The following FBXL19 variants were observed in gnomAD, a reference collection of about 807,000 sequenced individuals.
The protein encoded by FBXL19 is F-box/LRR-repeat protein 19.
FBXL19 carries 16 observed loss-of-function variants against 71.2 expected under a neutral mutation model. The ratio of observed to expected loss-of-function variants is 0.22; its 90% CI spans 0.15 to 0.34. FBXL19 has a LOEUF of 0.34. Ranked by LOEUF, FBXL19 falls within the 10% of genes least tolerant of loss-of-function variation. FBXL19 has a pLI of 1.00. For missense variants in FBXL19, 658 were observed against 968.2 expected, an observed-to-expected ratio of 0.68 and a Z score of 4.25; for synonymous variants, 447 against 409.4, an observed-to-expected ratio of 1.09 and a Z score of -1.11.
chr16:30,927,487 C>A, intron 3 of FBXL19, 36 bp downstream of exon 3: 1 of 1,573,236 alleles, frequency 6.4e-7, no homozygotes, highest in Non-Finnish European at 8.6e-7. Context: ...TGGGGTGGGG[C>A]AGATTGTCAG....
At chr16:30,936,302 G>A (rs2055731617) in intron 7 of FBXL19, among the ~76,000 whole-genome samples, 1 of 152,100 alleles carries the variant, frequency 6.6e-6, no homozygotes, top group African/African-American at 2.4e-5. Flanking sequence ...CTCCTTTGCA[G>A]CTCCACTCTT....
intron 7 of FBXL19, among the ~76,000 whole-genome samples, chr16:30,933,330 G>A (rs2055696054): frequency 6.6e-6 from 1 of 151,910 alleles, no homozygotes; most frequent in African/African-American, 2.4e-5. Context: ...GTAGAGACGG[G>A]GTTTTGCCAT....
intron 6 of FBXL19, among the ~76,000 whole-genome samples, chr16:30,928,877 G>A (rs898203755): frequency 5.9e-5 from 9 of 152,250 alleles, no homozygotes; most frequent in African/African-American, 2.2e-4. Flanking sequence ...AGCCTTACAG[G>A]GGAGAGAACT....
intron 10 of FBXL19, 45 bp from the exon 11 acceptor site, chr16:30,947,007 C>A: frequency 6.3e-7 from 1 of 1,576,604 alleles, no homozygotes. Flanking sequence ...CAGTGCCAAC[C>A]CCTTGCTCAC....
At chr16:30,928,828 C>T (rs907013710) in intron 6 of FBXL19, among the ~76,000 whole-genome samples, 200 bp downstream of exon 6, 4 of 152,186 alleles carry the variant, frequency 2.6e-5, no homozygotes, top group Non-Finnish European at 4.4e-5. Context: ...TTCCCAAAAA[C>T]CCTTAGGGCT....
At chr16:30,931,229 A>G (rs1229846563) in intron 7 of FBXL19, among the ~76,000 whole-genome samples, 2 of 151,920 alleles carry the variant, frequency 1.3e-5, no homozygotes, top group Non-Finnish European at 2.9e-5. Context: ...CTCGCCCCCA[A>G]CAAAATTCCT....
intron 7 of FBXL19, among the ~76,000 whole-genome samples, chr16:30,938,737 C>T (rs191873070): frequency 0.011 from 1,613 of 150,456 alleles, 29 homozygotes; most frequent in African/African-American, 0.038. Context: ...CCTGGGTTCA[C>T]GCCATTCTCC....
At position 30,930,456 on chromosome 16, in the gene FBXL19, C is replaced by G. The variant is rs565607849; in HGVS notation, c.1173C>G (p.Pro391=). The change falls in exon 7 of 11, where the codon CCC becomes CCG. Residue 391 remains proline, a synonymous_variant. Coordinates refer to ENST00000338343, the MANE Select transcript of FBXL19 (RefSeq NM_001382779.1). This position sits in a 1 kb window ranked among gnomAD's most constrained non-coding sequence, Gnocchi z 8.5. ...GGCCCCCGCCTCGAAGCCCTGAGCCCGACACACTCCCCTTGGCTGCTGGAT... is the reference window on the plus strand; with the variant it reads ...GGCCCCCGCCTCGAAGCCCTGAGCCGGACACACTCCCCTTGGCTGCTGGAT... ...VVRPPPRSPE[P]DTLPLAAGSD... 7.2e-6 allele frequency: 11 copies of G among 1,535,076 alleles called. No homozygotes were observed. Among genetic ancestry groups the G allele is most frequent in the Non-Finnish European group, 9.6e-6 (11 of 1,146,048 alleles).
rs1234120697 is a variant in FBXL19 at position 30,930,343 on chromosome 16, C to G, written c.1060C>G (p.Arg354Gly). ...GAACCGTGGGGGGCGGCGGGCTGTG[C>G]GCCCTGGCAGTGGGGGGCCCCTACT... ...KENRGGRRAV[R>G]PGSGGPLLSW... is the part of the protein sequence containing the mutation. Residue 354 changes from arginine to glycine, a missense_variant, in exon 7 of 11, where the codon CGC becomes GGC. Coordinates refer to ENST00000338343, the MANE Select transcript of FBXL19 (RefSeq NM_001382779.1). The surrounding 1 kb of genome is among the most constrained non-coding windows in gnomAD (Gnocchi z 8.5). The G allele has an allele frequency of 1.9e-6, 3 of 1,587,580 alleles. No individual in the cohort carries two copies. The highest frequency in any genetic ancestry group is 2.6e-6 in the Non-Finnish European group (3 of 1,168,864).
chr16:30,945,439 C>CAAGGCTACAGTGAGCT (rs2055846815), intron 9 of FBXL19, among the ~76,000 whole-genome samples: 1 of 151,976 alleles, frequency 6.6e-6, no homozygotes, highest in Admixed American at 6.6e-5. Flanking sequence ...GTGGGCAGAT[C>CAAGGCTACAGTGAGCT]ACTTGAGGTC....
rs2055658218 is a variant in FBXL19 at position 30,930,371 on chromosome 16, G to C, written c.1088G>C (p.Ser363Thr). ...CCTGGCAGTGGGGGGCCCCTACTCA[G>C]CTGGCCCCTGGGCCCAGCCCCACCA... ...VRPGSGGPLL[S>T]WPLGPAPPPR... Residue 363 changes from serine (S) to threonine (T), a missense_variant, in exon 7 of 11, where the codon AGC becomes ACC. Physicochemically the swap from Ser to Thr is moderately conservative, Grantham distance 58. Coordinates refer to ENST00000338343, the MANE Select transcript of FBXL19 (RefSeq NM_001382779.1). The surrounding 1 kb of genome is among the most constrained non-coding windows in gnomAD (Gnocchi z 8.5). 1 of 1,555,068 alleles carries C rather than the reference G, an allele frequency of 6.4e-7. No individual in the cohort carries two copies. The highest frequency in any genetic ancestry group is 8.7e-7 in the Non-Finnish European group (1 of 1,155,664).
intron 6 of FBXL19, among the ~76,000 whole-genome samples, chr16:30,928,870 C>T (rs1034092779): frequency 1.3e-5 from 2 of 152,170 alleles, no homozygotes; most frequent in Non-Finnish European, 2.9e-5. Flanking sequence ...CTTTCCAAGC[C>T]TTACAGGGGA....
Position 30,942,003 on chromosome 16 carries a change from G to A in FBXL19, c.1302-113G>A. 1 of 1,225,618 alleles carries A rather than the reference G, an allele frequency of 8.2e-7. No individual in the cohort carries two copies. The highest frequency in any genetic ancestry group is 1.1e-6 in the Non-Finnish European group (1 of 922,826). The allele number at this position is 1,225,618 out of a possible 1,614,324, so 75.9% of individuals were successfully genotyped here. A position where few individuals can be genotyped will look rare whatever the true frequency, so the allele number is the denominator to read the frequency against. ...GTCAGGTGCTTCTTGCTACCCTGTT[G>A]TCTGTGTGGCCAGAAGAGAGCTGGG... On this transcript the variant is annotated intron_variant, in intron 7 of 10. Coordinates refer to ENST00000338343, the MANE Select transcript of FBXL19 (RefSeq NM_001382779.1). This position sits in a 1 kb window ranked among gnomAD's most constrained non-coding sequence, Gnocchi z 5.7.
upstream of FBXL19, chr16:30,923,175 T>C (rs1242644946): frequency 4.4e-6 from 2 of 456,446 alleles, no homozygotes; most frequent in African/African-American, 2.0e-5. Context: ...CGGAGGGTTG[T>C]GGACAGGAGG....
rs2055859898 is a variant in FBXL19, at chr16:30,946,502, G to A, written c.1628-228G>A. Among the ~76,000 whole-genome samples, 1 of 152,214 alleles carries A rather than the reference G, an allele frequency of 6.6e-6. No individual in the cohort carries two copies. Among genetic ancestry groups the A allele is most frequent in the Non-Finnish European group, 1.5e-5 (1 of 68,046 alleles). ...TTACAGGCATGAGCCACCACGCCTG[G>A]CAGAATATTGTAGTCTCAAATACAA... On this transcript the variant is annotated intron_variant, in intron 9 of 10. Coordinates refer to ENST00000338343, the MANE Select transcript of FBXL19 (RefSeq NM_001382779.1). This position sits in a 1 kb window ranked among gnomAD's most constrained non-coding sequence, Gnocchi z 6.7.
At chr16:30,936,023 T>C (rs1446272413) in intron 7 of FBXL19, among the ~76,000 whole-genome samples, 1 of 152,182 alleles carries the variant, frequency 6.6e-6, no homozygotes, top group Non-Finnish European at 1.5e-5. Flanking sequence ...GGACATGAAC[T>C]GGGCCTACCG....
In FBXL19 at chr16:30,947,255, G is replaced by GCCA; in HGVS notation, c.*25_*26insCCA. ...GTTGGGCGCCCCCCACCCTCCCCCG[G>GCCA]ACTCGACAGGAGCCTGGACCTCCGG... On this transcript the variant is annotated 3_prime_UTR_variant, in exon 11 of 11. Coordinates refer to ENST00000338343, the MANE Select transcript of FBXL19 (RefSeq NM_001382779.1). 6.5e-7 allele frequency: 1 copy of GCCA among 1,530,972 alleles called. No individual in the cohort carries two copies. Among genetic ancestry groups the GCCA allele is most frequent in the Non-Finnish European group, 8.8e-7 (1 of 1,140,602 alleles). 94.8% of individuals were successfully genotyped at this position (1,530,972 alleles called of 1,614,324 possible).
At position 30,947,114 on chromosome 16, in the gene FBXL19, C is replaced by T; in HGVS notation, c.1909C>T (p.Leu637=). 6.3e-7 allele frequency: 1 copy of T among 1,599,584 alleles called. No individual in the cohort carries two copies. The highest frequency in any genetic ancestry group is 8.5e-7 in the Non-Finnish European group (1 of 1,178,740). Residue 637 remains leucine, a synonymous_variant, in exon 11 of 11, where the codon CTA becomes TTA. Transcript: ENST00000338343. ...LFRRCPRLRR[L]DLRSCRQLSP... The stretch of plus-strand genomic sequence containing the variant: ...CCGCCGCTGCCCTCGTCTACGCCGC[C>T]TAGACCTGCGCTCCTGCCGCCAGCT...
intron 7 of FBXL19, among the ~76,000 whole-genome samples, chr16:30,938,487 CAGTG>C: frequency 6.6e-6 from 1 of 152,238 alleles, no homozygotes; most frequent in East Asian, 1.9e-4. Flanking sequence ...GCCTGGGCGA[CAGTG>C]AGACTTTGTC....
Sources: gnomAD v4.1 joint callset for allele counts (sites outside exome capture counted in the v4.1 genomes callset) on GRCh38, gnomAD v4.1.1 for gene constraint, Gnocchi (gnomAD v3.1) non-coding constraint, MANE v1.5 for transcripts, NCBI Gene and HGNC (gene_info 2026-07-23, HGNC 2026-07-21) for gene names.